Variants in CTNNA2 observed in about 807,000 individuals in gnomAD.
CTNNA2 encodes catenin alpha-2.
In CTNNA2, 42 loss-of-function variants were observed where a neutral mutation model predicts 101.0. The ratio of observed to expected loss-of-function variants is 0.42; its 90% CI spans 0.32 to 0.54. The LOEUF is 0.54. CTNNA2 is among the 20% of genes least tolerant of loss of function. CTNNA2 has a pLI of 0.14. For synonymous variants in CTNNA2, 450 were observed against 456.4 expected, an observed-to-expected ratio of 0.99 and a Z score of 0.18; for missense variants, 871 against 1,223.1, an observed-to-expected ratio of 0.71 and a Z score of 4.29.
intron 9 of CTNNA2, among the ~76,000 whole-genome samples, chr2:80,514,773 T>C (rs552450015): frequency 2.0e-4 from 30 of 152,152 alleles, no homozygotes; most frequent in Non-Finnish European, 4.3e-4. Context: ...CCCTGCTGAC[T>C]GAGTCTGGGA....
At chr2:79,861,651 T>G (rs558058207) in intron 4 of CTNNA2, among the ~76,000 whole-genome samples, 1 of 152,240 alleles carries the variant, frequency 6.6e-6, no homozygotes, top group East Asian at 1.9e-4. Flanking sequence ...CATGCAAGTA[T>G]TTGTGGTACT....
chr2:79,199,062 T>G (rs1356571767), intron 2 of CTNNA2, among the ~76,000 whole-genome samples: 1 of 152,214 alleles, frequency 6.6e-6, no homozygotes, highest in East Asian at 1.9e-4. Flanking sequence ...TGTCTATAGA[T>G]GAGAATTATT....
chr2:79,409,755 T>G (rs78615824), intron 4 of CTNNA2, among the ~76,000 whole-genome samples: 9,170 of 89,278 alleles, frequency 0.1, no homozygotes, highest in South Asian at 0.13. Context: ...CTTTGTTCTT[T>G]TGGCTTAGGA....
At chr2:79,257,957 G>C (rs1432363599) in intron 2 of CTNNA2, among the ~76,000 whole-genome samples, 1 of 151,944 alleles carries the variant, frequency 6.6e-6, no homozygotes, top group Non-Finnish European at 1.5e-5. Context: ...GGCAATCTTT[G>C]GCATCCCTTG....
chr2:80,544,942 T>C (rs1382247350), intron 9 of CTNNA2, 40 bp from the exon 10 acceptor site: 1 of 1,561,938 alleles, frequency 6.4e-7, no homozygotes, highest in Non-Finnish European at 8.8e-7. Context: ...ACTTTCCCTT[T>C]GCCCCAACCT....
intron 1 of CTNNA2, among the ~76,000 whole-genome samples, chr2:79,550,277 G>A (rs1674014576): frequency 6.6e-6 from 1 of 152,176 alleles, no homozygotes; most frequent in Admixed American, 6.6e-5. Context: ...TGAGGTAAAA[G>A]GGCTAGAACT....
chr2:80,046,223 CCTCTCCTG>C (rs1696513476), intron 7 of CTNNA2, among the ~76,000 whole-genome samples: 10 of 152,262 alleles, frequency 6.6e-5, no homozygotes, highest in Admixed American at 6.5e-4. Flanking sequence ...GTGTGCCATG[CCTCTCCTG>C]AACTGGGTTG....
intron 8 of CTNNA2, among the ~76,000 whole-genome samples, chr2:80,397,521 G>A (rs1678125732): frequency 6.6e-6 from 1 of 152,112 alleles, no homozygotes; most frequent in South Asian, 2.1e-4. Flanking sequence ...TGCCATTCTT[G>A]TGATAGTGAA....
intron 4 of CTNNA2, among the ~76,000 whole-genome samples, chr2:79,456,715 G>A (rs1367431048): frequency 6.6e-6 from 1 of 152,126 alleles, no homozygotes; most frequent in African/African-American, 2.4e-5. Context: ...TTGAAATCTG[G>A]AGGGTAAAAT....
In CTNNA2 at chr2:79,347,205, G is replaced by A. The variant is rs373327842; in HGVS notation, c.-317-26626G>A. Among the ~76,000 whole-genome samples, 265 of 152,062 alleles carry A rather than the reference G, an allele frequency of 1.7e-3. 2 individuals carry two copies. Among genetic ancestry groups the A allele is most frequent in the African/African-American group, 5.9e-3 (246 of 41,480 alleles). Reference sequence around the variant, plus strand: ...TTCTTTTTGGAATAGGGTGAACTACGGTGAAACAAACAAATAAATAAATAA... The same window carrying A: ...TTCTTTTTGGAATAGGGTGAACTACAGTGAAACAAACAAATAAATAAATAA... On this transcript the variant is annotated intron_variant, in intron 3 of 21. Transcript: ENST00000466387.
At position 80,486,968 on chromosome 2, in the gene CTNNA2, G is replaced by A. The variant is rs139301704; in HGVS notation, c.1291-58014G>A. ...ATATCTTTTCATATCTGCACATGTA[G>A]CTCTGACATATTGCTTTTAAAAAGT... On this transcript the variant is annotated intron_variant, in intron 9 of 18. Transcript: ENST00000402739. 4.6e-3 allele frequency among the ~76,000 whole-genome samples: 704 copies of A among 152,184 alleles called. 7 individuals are homozygous for A. Among genetic ancestry groups the A allele is most frequent in the Non-Finnish European group, 7.8e-3 (530 of 67,994 alleles).
rs147981092 is a variant in CTNNA2, at chr2:79,225,967, T to C, written c.-406+27891T>C. On this transcript the variant is annotated intron_variant, in intron 2 of 21. Transcript: ENST00000466387. ...AATTAATGTCTCATTTTAAATCTTA[T>C]ACCACAAAATTTAAACCAACATCTC... Among the ~76,000 whole-genome samples the C allele has an allele frequency of 1.5e-4, 23 of 152,308 alleles. 1 individual carries two copies. The highest frequency in any genetic ancestry group is 5.3e-4 in the African/African-American group (22 of 41,564).
At chr2:79,357,556 G>T (rs1280895325) in intron 3 of CTNNA2, among the ~76,000 whole-genome samples, 1 of 152,158 alleles carries the variant, frequency 6.6e-6, no homozygotes, top group Non-Finnish European at 1.5e-5. Context: ...ATGGGCGGAA[G>T]AAATGTTTGA....
chr2:80,638,640 A>G (rs1354336824), intron 18 of CTNNA2, among the ~76,000 whole-genome samples: 1 of 152,072 alleles, frequency 6.6e-6, no homozygotes, highest in African/African-American at 2.4e-5. Flanking sequence ...TTTCACCTTT[A>G]TTGGTGAGAA....
chr2:79,729,142 G>A (rs749398002), intron 2 of CTNNA2, among the ~76,000 whole-genome samples: 2 of 152,138 alleles, frequency 1.3e-5, no homozygotes, highest in African/African-American at 4.8e-5. Context: ...AGCCCAAAGA[G>A]ATTAATTGAA....
At chr2:79,460,273 C>T (rs1205680454) in intron 4 of CTNNA2, among the ~76,000 whole-genome samples, 1 of 152,074 alleles carries the variant, frequency 6.6e-6, no homozygotes, top group Non-Finnish European at 1.5e-5. Flanking sequence ...GAAATAATCA[C>T]CTCAGTCTAA....
chr2:80,299,042 C>T (rs1312388206), intron 7 of CTNNA2: 2 of 152,128 alleles, frequency 1.3e-5, no homozygotes, highest in Admixed American at 6.5e-5. Context: ...CTCAATACCA[C>T]TGCTGAACTT....
chr2:80,339,776 G>A (rs1054212787), intron 7 of CTNNA2, among the ~76,000 whole-genome samples: 4 of 152,166 alleles, frequency 2.6e-5, no homozygotes, highest in African/African-American at 9.7e-5. Context: ...TTAACAGTTA[G>A]GACTAGGTAT....
chr2:79,601,567 A>T (rs1341373360), intron 1 of CTNNA2, among the ~76,000 whole-genome samples: 1 of 152,234 alleles, frequency 6.6e-6, no homozygotes, highest in Non-Finnish European at 1.5e-5. Flanking sequence ...AGCTTCATGA[A>T]GTCACAAAAT....
Sources: gnomAD v4.1 joint callset for allele counts (sites outside exome capture counted in the v4.1 genomes callset) on GRCh38, gnomAD v4.1.1 for gene constraint, MANE v1.5 for transcripts, NCBI Gene and HGNC (gene_info 2026-07-23, HGNC 2026-07-21) for gene names.